The following EYS variants were observed in gnomAD, a reference collection of about 807,000 sequenced individuals.
EYS encodes the protein EGF-like photoreceptor maintenance factor, also known as protein eyes shut homolog.
In EYS, 250 loss-of-function variants were observed where a neutral mutation model predicts 282.1. That is an observed-to-expected ratio of 0.89 (90% CI 0.80 to 0.98). The LOEUF is 0.98. EYS is among the 50% of genes least tolerant of loss of function. The pLI is 0.00. For synonymous variants in EYS, 1,355 were observed against 1,282.9 expected (o/e 1.06, Z -1.20); for missense variants, 4,016 against 3,709.0 (o/e 1.08, Z -2.15).
intron 8 of EYS, among the ~76,000 whole-genome samples, chr6:65,364,789 G>C (rs2150336817): frequency 6.6e-6 from 1 of 151,708 alleles, no homozygotes; most frequent in African/African-American, 2.4e-5. Context: ...CAAGTACTTG[G>C]CCAATTAGAA....
chr6:64,951,845 C>T (rs973532834), intron 14 of EYS, among the ~76,000 whole-genome samples: 4 of 151,654 alleles, frequency 2.6e-5, no homozygotes, highest in Admixed American at 6.6e-5. Flanking sequence ...ATGAAAATAG[C>T]CATTATTTGT....
chr6:64,468,159 CA>C (rs1374250223), intron 26 of EYS, among the ~76,000 whole-genome samples: 1 of 152,170 alleles, frequency 6.6e-6, no homozygotes, highest in Non-Finnish European at 1.5e-5. Context: ...GCCATCATTA[CA>C]GGTGTCCAAG....
intron 30 of EYS, among the ~76,000 whole-genome samples, chr6:64,254,910 G>A (rs1366181856): frequency 6.6e-6 from 1 of 152,068 alleles, no homozygotes; most frequent in African/African-American, 2.4e-5. Context: ...AAGAGGGGAA[G>A]GACGAAGTTT....
intron 2 of EYS, among the ~76,000 whole-genome samples, chr6:65,541,392 C>G (rs994535960): frequency 9.0e-6 from 1 of 110,508 alleles, no homozygotes; most frequent in Admixed American, 1.1e-4. Context: ...AATATTTGGC[C>G]ATTATGTAAG....
intron 12 of EYS, among the ~76,000 whole-genome samples, chr6:65,162,131 A>G (rs983529813): frequency 1.1e-4 from 17 of 151,276 alleles, no homozygotes; most frequent in Admixed American, 3.3e-4. Context: ...GGCAAACTAA[A>G]TTCTACTTCA....
intron 12 of EYS, among the ~76,000 whole-genome samples, chr6:65,236,722 A>G (rs1195768632): frequency 1.3e-5 from 2 of 152,132 alleles, no homozygotes; most frequent in Non-Finnish European, 2.9e-5. Context: ...TTTCTTTTAC[A>G]TTTAATAGGT....
At chr6:65,424,079 C>T (rs1053195773) in intron 5 of EYS, among the ~76,000 whole-genome samples, 6 of 151,838 alleles carry the variant, frequency 4.0e-5, no homozygotes, top group South Asian at 2.1e-4. Context: ...ATGAATTTAA[C>T]GTGAAATTTG....
At chr6:64,916,006 G>C (rs569683917) in intron 15 of EYS, among the ~76,000 whole-genome samples, 2 of 152,128 alleles carry the variant, frequency 1.3e-5, no homozygotes, top group East Asian at 3.9e-4. Flanking sequence ...GTATTACCCA[G>C]TCTTAAGAGA....
chr6:65,628,739 G>A (rs926869502), intron 2 of EYS, among the ~76,000 whole-genome samples: 27 of 151,726 alleles, frequency 1.8e-4, no homozygotes, highest in Non-Finnish European at 3.4e-4. Flanking sequence ...AAGAAACTCC[G>A]AACACATCTG....
intron 36 of EYS, 45 bp downstream of exon 36, chr6:63,864,141 C>T (rs1453936054): frequency 1.4e-6 from 2 of 1,412,612 alleles, no homozygotes; most frequent in South Asian, 1.7e-5. Flanking sequence ...ATCCTCTTCA[C>T]CTCTTTCTGT....
intron 12 of EYS, among the ~76,000 whole-genome samples, chr6:65,093,954 C>G (rs1160333079): frequency 6.6e-6 from 1 of 151,646 alleles, no homozygotes. Flanking sequence ...CCCATGCAAA[C>G]TGCAAACCAT....
chr6:64,619,935 G>A (rs574825572), intron 23 of EYS, among the ~76,000 whole-genome samples: 1 of 152,254 alleles, frequency 6.6e-6, no homozygotes, highest in Admixed American at 6.5e-5. Context: ...TACGAAAAGG[G>A]AGATCAGGCC....
intron 15 of EYS, among the ~76,000 whole-genome samples, chr6:64,925,632 G>A (rs1768491092): frequency 6.6e-6 from 1 of 152,158 alleles, no homozygotes; most frequent in Admixed American, 6.5e-5. Flanking sequence ...GTGCTTATAG[G>A]TGAGAGCCAG....
chr6:63,929,483 G>C (rs553443084), intron 35 of EYS, among the ~76,000 whole-genome samples: 2 of 152,096 alleles, frequency 1.3e-5, no homozygotes, highest in Admixed American at 6.6e-5. Context: ...CTTTAATTTC[G>C]TAGAATCATT....
intron 31 of EYS, among the ~76,000 whole-genome samples, chr6:64,137,202 C>A (rs1322582228): frequency 6.6e-6 from 1 of 152,126 alleles, no homozygotes; most frequent in Non-Finnish European, 1.5e-5. Flanking sequence ...CCTCTTTCAG[C>A]CTTCATAGAG....
chr6:64,333,876 TG>T (rs1770737263), intron 29 of EYS, among the ~76,000 whole-genome samples: 1 of 152,188 alleles, frequency 6.6e-6, no homozygotes, highest in Non-Finnish European at 1.5e-5. Context: ...ATGTTATGTA[TG>T]TGGAGGTACT....
At chr6:65,425,978 T>C (rs1582275308) in intron 5 of EYS, among the ~76,000 whole-genome samples, 1 of 151,998 alleles carries the variant, frequency 6.6e-6, no homozygotes, top group Non-Finnish European at 1.5e-5. Flanking sequence ...ACAGAAGAAT[T>C]CCATTTTAAG....
At chr6:64,261,641 A>G (rs1767593765) in intron 30 of EYS, among the ~76,000 whole-genome samples, 1 of 152,096 alleles carries the variant, frequency 6.6e-6, no homozygotes, top group African/African-American at 2.4e-5. Flanking sequence ...ATTATTATTC[A>G]AGTACTGTTT....
At chr6:65,512,492 C>CAAAA in intron 2 of EYS, among the ~76,000 whole-genome samples, 1 of 117,818 alleles carries the variant, frequency 8.5e-6, no homozygotes, top group Non-Finnish European at 1.8e-5. Flanking sequence ...GACTCTATCT[C>CAAAA]AAAAAAAAAA....
Sources: allele counts gnomAD v4.1 joint callset (sites outside exome capture counted in the v4.1 genomes callset), GRCh38; gene constraint gnomAD v4.1.1; transcripts MANE v1.5; gene names NCBI Gene and HGNC (gene_info 2026-07-23, HGNC 2026-07-21).